The following SLC44A4 variants were observed in gnomAD, a reference collection of about 807,000 sequenced individuals.
The protein encoded by SLC44A4 is solute carrier family 44 member 4, also known as choline transporter-like protein 4.
SLC44A4 carries 74 observed loss-of-function variants against 97.0 expected under a neutral mutation model. That is an observed-to-expected ratio of 0.76 (90% confidence interval 0.63 to 0.93). The LOEUF (loss-of-function observed/expected upper bound fraction) is 0.93. SLC44A4 is among the 40% of genes least tolerant of loss of function. The pLI, the probability that SLC44A4 is intolerant of heterozygous loss-of-function variation, is 0.00. For missense variants in SLC44A4, 799 were observed against 902.9 expected (o/e 0.88, Z 1.48); for synonymous variants, 325 against 363.8 (o/e 0.89, Z 1.21).
chr6:31,878,800 T>C lies in SLC44A4; in HGVS notation c.40+141A>G. The C allele has an allele frequency of 9.8e-7, 1 of 1,022,458 alleles. No individual in the cohort carries two copies. The highest frequency in any genetic ancestry group is 1.5e-6 in the Non-Finnish European group (1 of 661,924). The allele number at this position is 1,022,458 out of a possible 1,614,324, so 63.3% of individuals were successfully genotyped here. ...CCAGGACCCTGACTCCCTCCCTCCA[T>C]GGCTCCCGGTTCCCGGGCCCTCCCC... On this transcript the variant is annotated intron_variant, in intron 1 of 20. Coordinates refer to ENST00000229729, the MANE Select transcript of SLC44A4 (RefSeq NM_025257.3). This position sits in a 1 kb window ranked among gnomAD's most constrained non-coding sequence, Gnocchi z 4.0.
chr6:31,869,256 A>T lies in SLC44A4; in HGVS notation c.1132T>A (p.Tyr378Asn), dbSNP rs1437068254. The change falls in exon 13 of 21, where the codon TAC becomes AAC. Residue 378 changes from tyrosine to asparagine, a missense_variant and splice_region_variant. Tyr to Asn is a moderately radical substitution (Grantham distance 143). Coordinates refer to ENST00000229729, the MANE Select transcript of SLC44A4 (RefSeq NM_025257.3). ...CIAYWAMTALYLATSGQPQYV... is the reference protein window; with the variant it reads ...CIAYWAMTALNLATSGQPQYV... ...TGGGGTTGCCCCGATGTAGCCAGGT[A>T]CCCAGAGGGGAGTCAAGGAAAGCAT... is the stretch of plus-strand genomic sequence containing the variant. 1 of 1,602,334 alleles carries T rather than the reference A, an allele frequency of 6.2e-7. No individual in the cohort carries two copies. The highest frequency in any genetic ancestry group is 1.3e-5 in the African/African-American group (1 of 74,546).
chr6:31,873,075 C>A (rs1027977813), intron 7 of SLC44A4, among the ~76,000 whole-genome samples: 4 of 152,224 alleles, frequency 2.6e-5, no homozygotes, highest in Admixed American at 2.6e-4. Context: ...CGGGGTTTCA[C>A]CATGTTGGCC....
chr6:31,872,652 C>T (rs1763235768), intron 7 of SLC44A4, among the ~76,000 whole-genome samples: 1 of 152,068 alleles, frequency 6.6e-6, no homozygotes, highest in Non-Finnish European at 1.5e-5. Context: ...CCCGCCTTAG[C>T]CTCCTGAGCA....
chr6:31,876,803 C>T lies in SLC44A4; in HGVS notation c.89+231G>A, dbSNP rs1359186300. On this transcript the variant is annotated intron_variant, in intron 2 of 20. Transcript: ENST00000229729. The surrounding 1 kb of genome is among the most constrained non-coding windows in gnomAD (Gnocchi z 4.8). ...AAGGGCTCAGCTGGGTGAGTTCTCT[C>T]GCTTGTGAAGCCGGCACTTAAGTCA... 6.6e-6 allele frequency among the ~76,000 whole-genome samples: 1 copy of T among 152,084 alleles called. No homozygotes were observed. Among genetic ancestry groups the T allele is most frequent in the Non-Finnish European group, 1.5e-5 (1 of 68,004 alleles).
At chr6:31,872,764 G>C (rs1209451990) in intron 7 of SLC44A4, among the ~76,000 whole-genome samples, 4 of 152,180 alleles carry the variant, frequency 2.6e-5, no homozygotes, top group African/African-American at 9.7e-5. Context: ...CAAGACCATA[G>C]GGCTGGAAAG....
rs1348082500 is a variant in SLC44A4, at chr6:31,871,475, T to C, written c.616A>G (p.Ser206Gly). Reference protein sequence around the residue: ...TNDTTIQQGISGLIDSLNARD... With the variant: ...TNDTTIQQGIGGLIDSLNARD... ...GATGTGGGGGAGGGAGGTGCCTACCTGATCCCCTGCTGTATGGTGGTGTCA... is the reference window on the plus strand; with the variant it reads ...GATGTGGGGGAGGGAGGTGCCTACCCGATCCCCTGCTGTATGGTGGTGTCA... Residue 206 changes from serine (S) to glycine (G), a missense_variant and splice_region_variant, in exon 8 of 21, where the codon AGC becomes GGC. Ser to Gly is a moderately conservative substitution (Grantham distance 56). Around this residue, in one of 3 missense-constraint regions of SLC44A4, gnomAD observed 409 missense variants for 434.1 expected, o/e 0.94. Coordinates refer to ENST00000229729, the MANE Select transcript of SLC44A4 (RefSeq NM_025257.3). 1.9e-6 allele frequency: 3 copies of C among 1,613,942 alleles called. No homozygotes were observed. The highest frequency in any genetic ancestry group is 2.2e-5 in the East Asian group (1 of 44,884).
At position 31,869,266 on chromosome 6, in the gene SLC44A4, G is replaced by A; in HGVS notation, c.1131-9C>T. Reference sequence around the variant, plus strand: ...CCGATGTAGCCAGGTACCCAGAGGGGAGTCAAGGAAAGCATGATCACACGA... The same window carrying A: ...CCGATGTAGCCAGGTACCCAGAGGGAAGTCAAGGAAAGCATGATCACACGA... On this transcript the variant is annotated splice_polypyrimidine_tract_variant and intron_variant, in intron 12 of 20. Transcript: ENST00000229729. 1 of 1,594,532 alleles carries A rather than the reference G, an allele frequency of 6.3e-7. No individual in the cohort carries two copies. Among genetic ancestry groups the A allele is most frequent in the South Asian group, 1.1e-5 (1 of 88,336 alleles).
chr6:31,877,775 TACAC>T lies in SLC44A4; in HGVS notation c.41-697_41-694del. On this transcript the variant is annotated intron_variant, in intron 1 of 20. Coordinates refer to ENST00000229729, the MANE Select transcript of SLC44A4 (RefSeq NM_025257.3). The surrounding 1 kb of genome is among the most constrained non-coding windows in gnomAD (Gnocchi z 6.5). ...CGTTGAGTTCCTGGTCCTCCCTGAG[TACAC>T]ACACAGGGAGGAGGAGGGCTGGGCA... is the stretch of plus-strand genomic sequence containing the variant. 3.6e-5 allele frequency: 8 copies of T among 219,336 alleles called. No individual in the cohort carries two copies. The highest frequency in any genetic ancestry group is 6.2e-5 in the Non-Finnish European group (8 of 129,696). The allele number at this position is 219,336 out of a possible 1,614,324, so 13.6% of individuals were successfully genotyped here. A position where few individuals can be genotyped will look rare whatever the true frequency, so the allele number is the denominator to read the frequency against.
Position 31,875,922 on chromosome 6 carries a change from A to T in SLC44A4, c.172T>A (p.Tyr58Asn). The change falls in exon 4 of 21, where the codon TAT becomes AAT. Residue 58 changes from tyrosine to asparagine, a missense_variant. Tyr to Asn is a moderately radical substitution (Grantham distance 143). Around this residue, in one of 3 missense-constraint regions of SLC44A4, gnomAD observed 409 missense variants for 434.1 expected, o/e 0.94. Transcript: ENST00000229729. ...YIVVGIVAWL[Y>N]GDPRQVLYPR... is the part of the protein sequence containing the mutation. ...TAGAGGACTTGCCGGGGGTCTCCAT[A>T]CAACCAGGCTGCAGACAGAGGCACA... 2 of 1,613,930 alleles carry T rather than the reference A, an allele frequency of 1.2e-6. No homozygotes were observed. The highest frequency in any genetic ancestry group is 1.7e-6 in the Non-Finnish European group (2 of 1,179,964).
rs1343965725 is a variant in SLC44A4, at chr6:31,869,407, G to T, written c.1130+138C>A. ...TGTGCACCCTTTCAACTCTGTTCAG[G>T]CACAGTGCTGGTGTGTCTGCCCAGA... On this transcript the variant is annotated intron_variant, in intron 12 of 20. Coordinates refer to ENST00000229729, the MANE Select transcript of SLC44A4 (RefSeq NM_025257.3). The T allele has an allele frequency of 1.7e-5, 16 of 938,030 alleles. No homozygotes were observed. The Admixed American group carries it at 2.4e-4, about 14-fold the overall frequency. 58.1% of individuals were successfully genotyped at this position (938,030 alleles called of 1,614,324 possible).
In SLC44A4 at chr6:31,877,430, G is replaced by C; in HGVS notation, c.41-348C>G. On this transcript the variant is annotated intron_variant, in intron 1 of 20. Coordinates refer to ENST00000229729, the MANE Select transcript of SLC44A4 (RefSeq NM_025257.3). The surrounding 1 kb of genome is among the most constrained non-coding windows in gnomAD (Gnocchi z 6.5). Reference sequence around the variant, plus strand: ...GAGTCTCCCTTTAGCTGGGATGTGGGACTCCCAGTGGCTCTCACTCCCTCA... The same window carrying C: ...GAGTCTCCCTTTAGCTGGGATGTGGCACTCCCAGTGGCTCTCACTCCCTCA... 1 of 357,152 alleles carries C rather than the reference G, an allele frequency of 2.8e-6. No individual in the cohort carries two copies. The highest frequency in any genetic ancestry group is 4.8e-6 in the Non-Finnish European group (1 of 207,592). 22.1% of individuals were successfully genotyped at this position (357,152 alleles called of 1,614,324 possible). A position where few individuals can be genotyped will look rare whatever the true frequency, so the allele number is the denominator to read the frequency against.
At chr6:31,864,626 G>T (rs1361434177) in intron 20 of SLC44A4, 26 bp downstream of exon 20, 2 of 1,606,622 alleles carry the variant, frequency 1.2e-6, no homozygotes, top group Non-Finnish European at 1.7e-6. Flanking sequence ...TAAGGTTGGG[G>T]ACAGGTGGCT....
rs764496605 is a variant in SLC44A4, at chr6:31,863,760, C to G, written c.2012-12G>C. The G allele has an allele frequency of 6.2e-7, 1 of 1,612,448 alleles. No homozygotes were observed. Among genetic ancestry groups the G allele is most frequent in the South Asian group, 1.1e-5 (1 of 91,008 alleles). ...CTCCAGGTCTTCCACTGAGCCGCAACAGAGACCGGTTAGAGCGGACCCTGG... is the reference window on the plus strand; with the variant it reads ...CTCCAGGTCTTCCACTGAGCCGCAAGAGAGACCGGTTAGAGCGGACCCTGG... On this transcript the variant is annotated splice_polypyrimidine_tract_variant and intron_variant, in intron 20 of 20. Transcript: ENST00000229729.
chr6:31,876,445 A>T lies in SLC44A4; in HGVS notation c.90-316T>A, dbSNP rs1763451539. On this transcript the variant is annotated intron_variant, in intron 2 of 20. Coordinates refer to ENST00000229729, the MANE Select transcript of SLC44A4 (RefSeq NM_025257.3). This position sits in a 1 kb window ranked among gnomAD's most constrained non-coding sequence, Gnocchi z 4.8. ...CACTACTGCCCGGCTAATTTTTTTT[A>T]AATATTTTATTTAGAAAACCTAGCC... 6.6e-6 allele frequency among the ~76,000 whole-genome samples: 1 copy of T among 151,816 alleles called. No homozygotes were observed. Among genetic ancestry groups the T allele is most frequent in the Admixed American group, 6.6e-5 (1 of 15,246 alleles).
chr6:31,864,758 G>C, intron 19 of SLC44A4, 22 bp from the exon 20 acceptor site: 2 of 1,614,036 alleles, frequency 1.2e-6, no homozygotes, highest in Non-Finnish European at 1.7e-6. Context: ...GACCCGTTGG[G>C]GTTATTGGGT....
At position 31,874,632 on chromosome 6, in the gene SLC44A4, C is replaced by A; in HGVS notation, c.468+89G>T. The A allele has an allele frequency of 6.4e-7, 1 of 1,561,404 alleles. No individual in the cohort carries two copies. The highest frequency in any genetic ancestry group is 1.2e-5 in the South Asian group (1 of 80,942). The stretch of plus-strand genomic sequence containing the variant: ...GTCCCACACTCCCCAGGAGAGCCAA[C>A]CTGGTGATGATCTACCCAACTCCCC... On this transcript the variant is annotated intron_variant, in intron 6 of 20. Coordinates refer to ENST00000229729, the MANE Select transcript of SLC44A4 (RefSeq NM_025257.3). The surrounding 1 kb of genome is among the most constrained non-coding windows in gnomAD (Gnocchi z 4.8).
At position 31,864,990 on chromosome 6, in the gene SLC44A4, C is replaced by A. The variant is rs371854064; in HGVS notation, c.1831+20G>T. 6.2e-7 allele frequency: 1 copy of A among 1,614,088 alleles called. No individual in the cohort carries two copies. The highest frequency in any genetic ancestry group is 8.5e-7 in the Non-Finnish European group (1 of 1,180,028). On this transcript the variant is annotated intron_variant, in intron 18 of 20. Coordinates refer to ENST00000229729, the MANE Select transcript of SLC44A4 (RefSeq NM_025257.3). ...GCCCAGCACCCCTACCCTCTGTCCC[C>A]ACAGCTTCTGGTCCCTTACCCACGC...
intron 13 of SLC44A4, 111 bp from the exon 14 acceptor site, chr6:31,866,237 A>G (rs1206635997): frequency 9.4e-6 from 13 of 1,380,348 alleles, no homozygotes; most frequent in Non-Finnish European, 1.3e-5. Context: ...ACAGGTGGGA[A>G]GTAGCTTCTC....
In SLC44A4 at chr6:31,865,845, A is replaced by C. The variant is rs1481941264; in HGVS notation, c.1487+28T>G. On this transcript the variant is annotated intron_variant, in intron 14 of 20. Transcript: ENST00000229729. This position sits in a 1 kb window ranked among gnomAD's most constrained non-coding sequence, Gnocchi z 5.2. ...GGACCCCTGGGGCCCCCGTGCCTAC[A>C]ATGACCAGGCCCCTGCCCCATCCTT... The C allele has an allele frequency of 6.2e-7, 1 of 1,613,796 alleles. No individual in the cohort carries two copies. The highest frequency in any genetic ancestry group is 2.2e-5 in the East Asian group (1 of 44,878).
Sources: allele counts gnomAD v4.1 joint callset (sites outside exome capture counted in the v4.1 genomes callset), GRCh38; gene constraint gnomAD v4.1.1; regional missense constraint gnomAD v4.1.1; non-coding constraint Gnocchi (gnomAD v3.1); transcripts MANE v1.5; gene names NCBI Gene and HGNC (gene_info 2026-07-23, HGNC 2026-07-21).